The following KLHL13 variants were observed in gnomAD, a reference collection of about 807,000 sequenced individuals.
KLHL13 encodes the protein kelch like family member 13.
KLHL13 carries 10 observed loss-of-function variants against 37.1 expected under a neutral mutation model. The observed-to-expected ratio is 0.27, with a 90% CI of 0.17 to 0.46. The LOEUF (loss-of-function observed/expected upper bound fraction) is 0.46. Among genes scored for constraint, KLHL13 ranks in the 20% least tolerant of loss-of-function variants. KLHL13 has a pLI of 1.00. For synonymous variants in KLHL13, 163 were observed against 181.2 expected, an observed-to-expected ratio of 0.90 and a Z score of 0.81; for missense variants, 360 against 509.3, an observed-to-expected ratio of 0.71 and a Z score of 2.82.
intron 1 of KLHL13, among the ~76,000 whole-genome samples, chrX:118,080,218 G>A (rs2054975501): frequency 9.0e-6 from 1 of 111,541 alleles, no homozygotes; most frequent in South Asian, 3.7e-4. Flanking sequence ...CCTGGACAAA[G>A]AATTTTTGGA....
In KLHL13 at chrX:117,901,821, A is replaced by G; in HGVS notation, c.1480+12T>C. 1.9e-5 allele frequency: 17 copies of G among 894,718 alleles called. No homozygotes were observed. The highest frequency in any genetic ancestry group is 2.4e-5 in the Non-Finnish European group (15 of 614,319). 73.7% of individuals were successfully genotyped at this position (894,718 alleles called of 1,213,427 possible). A position where few individuals can be genotyped will look rare whatever the true frequency, so the allele number is the denominator to read the frequency against. Reference sequence around the variant, plus strand: ...TTATATATTATATTGTGTTCACATGATACTTGTTTACCTGAAATATACATC... The same window carrying G: ...TTATATATTATATTGTGTTCACATGGTACTTGTTTACCTGAAATATACATC... On this transcript the variant is annotated intron_variant, in intron 6 of 6. Coordinates refer to ENST00000262820, the Ensembl canonical transcript of KLHL13.
chrX:118,026,177 C>T (rs781616073), intron 1 of KLHL13, among the ~76,000 whole-genome samples: 2 of 111,634 alleles, frequency 1.8e-5, no homozygotes, highest in South Asian at 7.5e-4. Context: ...ACCTTTCCTA[C>T]GTTTTCTGTT....
At chrX:117,998,464 T>C (rs1347289274) in intron 1 of KLHL13, among the ~76,000 whole-genome samples, 1 of 110,024 alleles carries the variant, frequency 9.1e-6, no homozygotes, top group Non-Finnish European at 1.9e-5. Context: ...TGGCTAGTAA[T>C]AAGTAAAGAG....
intron 1 of KLHL13, among the ~76,000 whole-genome samples, chrX:118,090,634 G>GCT (rs1490936793): frequency 9.0e-6 from 1 of 110,794 alleles, no homozygotes; most frequent in Non-Finnish European, 1.9e-5. Flanking sequence ...AACAACAGGT[G>GCT]CTGGAGAGGA....
chrX:118,060,809 C>G (rs1409425871), intron 1 of KLHL13, among the ~76,000 whole-genome samples: 1 of 111,235 alleles, frequency 9.0e-6, no homozygotes, highest in Non-Finnish European at 1.9e-5. Context: ...GCTGGGGTTG[C>G]CATAATAAAG....
intron 1 of KLHL13, among the ~76,000 whole-genome samples, chrX:118,068,239 A>T (rs1293469719): frequency 4.5e-5 from 5 of 112,046 alleles, no homozygotes; most frequent in African/African-American, 1.6e-4. Flanking sequence ...CCTTCAGAAC[A>T]GTATCACTAG....
chrX:117,941,251 C>T (rs183617010), intron 2 of KLHL13, among the ~76,000 whole-genome samples: 3 of 109,701 alleles, frequency 2.7e-5, no homozygotes, highest in African/African-American at 9.9e-5. Context: ...TACATTTTAT[C>T]GAGGATTTTT....
In KLHL13 at chrX:118,052,782, G is replaced by A. The variant is rs138156362; in HGVS notation, c.-56+63726C>T. Among the ~76,000 whole-genome samples the A allele has an allele frequency of 1.6e-3, 176 of 109,118 alleles. 2 individuals are homozygous for A. Among genetic ancestry groups the A allele is most frequent in the African/African-American group, 5.1e-3 (153 of 29,876 alleles). The allele number at this position is 109,118 out of a possible 115,157, so 94.8% of individuals were successfully genotyped here. ...GTGGAGGTTGCAGTGAGCCAAGATC[G>A]TACCACTGCACGCCAGTCAGGCCGA... On this transcript the variant is annotated intron_variant, in intron 1 of 6. Transcript: ENST00000371882.
chrX:117,938,689 A>G (rs979897414), intron 2 of KLHL13, among the ~76,000 whole-genome samples: 2 of 111,665 alleles, frequency 1.8e-5, no homozygotes, highest in African/African-American at 6.5e-5. Context: ...TGGGCATTAC[A>G]TTAGGTAGGA....
intron 1 of KLHL13, among the ~76,000 whole-genome samples, chrX:118,046,690 A>G (rs2054564143): frequency 8.9e-6 from 1 of 111,815 alleles, no homozygotes; most frequent in Admixed American, 9.5e-5. Context: ...GCCCACAAAA[A>G]TTATAAATAA....
intron 1 of KLHL13, among the ~76,000 whole-genome samples, chrX:118,046,685 CA>C (rs2054564102): frequency 9.0e-6 from 1 of 110,907 alleles, no homozygotes; most frequent in African/African-American, 3.3e-5. Context: ...TATGTGCCCA[CA>C]AAAATTATAA....
chrX:118,001,828 G>A (rs1330855603), intron 1 of KLHL13, among the ~76,000 whole-genome samples: 3 of 103,735 alleles, frequency 2.9e-5, no homozygotes, highest in East Asian at 3.0e-4. Context: ...AGCCAAGATC[G>A]TGCCACTGCA....
intron 1 of KLHL13, among the ~76,000 whole-genome samples, chrX:118,077,441 T>C (rs1286654121): frequency 9.2e-6 from 1 of 108,212 alleles, no homozygotes; most frequent in Non-Finnish European, 1.9e-5. Flanking sequence ...GGGAACATGG[T>C]GAGAAAAGGC....
intron 1 of KLHL13, among the ~76,000 whole-genome samples, chrX:118,052,938 A>C (rs1374554684): frequency 1.8e-5 from 2 of 111,926 alleles, no homozygotes; most frequent in African/African-American, 6.5e-5. Flanking sequence ...CATAAAGAAA[A>C]TAATGTTTAA....
intron 1 of KLHL13, among the ~76,000 whole-genome samples, chrX:118,073,654 G>A (rs185480722): frequency 6.2e-5 from 7 of 112,307 alleles, no homozygotes; most frequent in African/African-American, 1.3e-4. Flanking sequence ...AGTCATAGAA[G>A]AGTTAAGGAA....
rs112972180 is a variant in KLHL13 at position 117,952,025 on chromosome X, A to C, written c.99-6450T>G. 1.4e-3 allele frequency among the ~76,000 whole-genome samples: 157 copies of C among 111,653 alleles called. 2 individuals are homozygous for C. The highest frequency in any genetic ancestry group is 5.0e-3 in the African/African-American group (153 of 30,742). ...TGCCATCCCCATCAAGCTACCAATG[A>C]CTTTCTTCACAGAATTGGAAAAAAC... On this transcript the variant is annotated intron_variant, in intron 1 of 6. Coordinates refer to ENST00000262820, the Ensembl canonical transcript of KLHL13.
chrX:118,048,841 C>T (rs763495309), intron 1 of KLHL13, among the ~76,000 whole-genome samples: 3 of 111,646 alleles, frequency 2.7e-5, no homozygotes, highest in Non-Finnish European at 5.7e-5. Flanking sequence ...TGCCAACGAC[C>T]TAATTGTAGT....
chrX:117,936,968 T>C (rs1037401977), intron 2 of KLHL13, among the ~76,000 whole-genome samples: 3 of 111,864 alleles, frequency 2.7e-5, no homozygotes, highest in Admixed American at 1.9e-4. Flanking sequence ...GGGGCACGAT[T>C]AGAATTCTAG....
intron 1 of KLHL13, among the ~76,000 whole-genome samples, chrX:118,056,052 T>C (rs1014214668): frequency 5.4e-5 from 6 of 111,733 alleles, no homozygotes; most frequent in African/African-American, 1.6e-4. Context: ...GCAGATGACA[T>C]GAGCTTGTAC....
Sources: allele counts gnomAD v4.1 joint callset (sites outside exome capture counted in the v4.1 genomes callset), GRCh38; gene constraint gnomAD v4.1.1; transcripts MANE v1.5; gene names NCBI Gene and HGNC (gene_info 2026-07-23, HGNC 2026-07-21).